Variants in ACSBG1 observed in about 807,000 individuals in gnomAD.
ACSBG1 encodes the protein long-chain-fatty-acid--CoA ligase ACSBG1.
Under a neutral mutation model 80.2 loss-of-function variants are expected in ACSBG1, and 39 were observed. The ratio of observed to expected loss-of-function variants is 0.49; its 90% CI spans 0.38 to 0.64. ACSBG1 has a LOEUF of 0.64. Among genes scored for constraint, ACSBG1 ranks in the 30% least tolerant of loss-of-function variants. The pLI is 0.00. For synonymous variants in ACSBG1, 392 were observed against 379.5 expected, an observed-to-expected ratio of 1.03 and a Z score of -0.38; for missense variants, 828 against 966.4, an observed-to-expected ratio of 0.86 and a Z score of 1.90.
chr15:78,228,783 A>G (rs1173176418), intron 1 of ACSBG1, among the ~76,000 whole-genome samples: 1 of 152,112 alleles, frequency 6.6e-6, no homozygotes, highest in African/African-American at 2.4e-5. Context: ...AGTCTCTTGA[A>G]CACTACAAGC....
intron 5 of ACSBG1, among the ~76,000 whole-genome samples, chr15:78,192,235 C>T (rs2075063336): frequency 6.6e-6 from 1 of 152,148 alleles, no homozygotes; most frequent in African/African-American, 2.4e-5. Context: ...GAGTCAGACA[C>T]TGGTCTAAGA....
chr15:78,170,985 G>A lies in ACSBG1; in HGVS notation c.*459C>T, dbSNP rs2074814405. On this transcript the variant is annotated 3_prime_UTR_variant, in exon 14 of 14. Coordinates refer to ENST00000258873, the MANE Select transcript of ACSBG1 (RefSeq NM_015162.5). ...GTAATGGAATAATAGGGTCGGCGAT[G>A]CCCGCCAAGATTCCAGAGTAAGTCA... 2.0e-5 allele frequency: 3 copies of A among 153,740 alleles called. No homozygotes were observed. Among genetic ancestry groups the A allele is most frequent in the Admixed American group, 1.9e-4 (3 of 15,442 alleles). 9.5% of individuals were successfully genotyped at this position (153,740 alleles called of 1,614,324 possible).
At chr15:78,215,724 G>GAGAAAGAAAGAAAGAAAGAAAGAA (rs56078523) in intron 1 of ACSBG1, among the ~76,000 whole-genome samples, 4 of 116,552 alleles carry the variant, frequency 3.4e-5, no homozygotes, top group Admixed American at 9.4e-5. Flanking sequence ...AAGAAAGAAA[G>GAGAAAGAAAGAAAGAAAGAAAGAA]AGAAAGAAAG....
intron 5 of ACSBG1, among the ~76,000 whole-genome samples, chr15:78,183,458 T>TC (rs1479469003): frequency 3.3e-5 from 5 of 152,060 alleles, no homozygotes; most frequent in Admixed American, 2.0e-4. Flanking sequence ...ATGCCTGTAA[T>TC]CCCAGCTACT....
At chr15:78,204,637 A>C (rs1207908551) in intron 2 of ACSBG1, among the ~76,000 whole-genome samples, 1 of 152,228 alleles carries the variant, frequency 6.6e-6, no homozygotes, top group Admixed American at 6.5e-5. Flanking sequence ...ATCATGGAGA[A>C]GGAATCACTG....
chr15:78,223,960 G>A (rs577574561), intron 1 of ACSBG1, among the ~76,000 whole-genome samples: 86 of 152,298 alleles, frequency 5.6e-4, no homozygotes, highest in African/African-American at 1.9e-3. Flanking sequence ...CCAGGAGCTG[G>A]AAGAGGCAGG....
At chr15:78,207,917 T>TGCCCCCCCCCCCCCCCCCCC in intron 2 of ACSBG1, 85 bp downstream of exon 2, 1 of 876,066 alleles carries the variant, frequency 1.1e-6, no homozygotes, top group East Asian at 2.7e-5. Flanking sequence ...TGTGTGGTGG[T>TGCCCCCCCCCCCCCCCCCCC]CCCCCACACC....
chr15:78,222,530 A>G (rs908949), intron 1 of ACSBG1, among the ~76,000 whole-genome samples: 82,295 of 151,902 alleles, frequency 0.54, 22,729 homozygotes, highest in African/African-American at 0.57. Flanking sequence ...AGACATGGTG[A>G]CAGGTGCCTG....
At chr15:78,209,629 G>A (rs11854143) in intron 1 of ACSBG1, among the ~76,000 whole-genome samples, 5,426 of 152,240 alleles carry the variant, frequency 0.036, 122 homozygotes, top group South Asian at 0.094. Flanking sequence ...TTCAGGCAGC[G>A]ACGGCAAACG....
chr15:78,225,013 T>C (rs2141388930), intron 1 of ACSBG1, among the ~76,000 whole-genome samples: 1 of 152,144 alleles, frequency 6.6e-6, no homozygotes, highest in East Asian at 1.9e-4. Context: ...TTGGAATTAA[T>C]AAATAAATTT....
chr15:78,225,908 T>C (rs1334235728), intron 1 of ACSBG1, among the ~76,000 whole-genome samples: 1 of 152,192 alleles, frequency 6.6e-6, no homozygotes, highest in Non-Finnish European at 1.5e-5. Context: ...GAAGGCTCAG[T>C]GGAGGAGAAT....
intron 1 of ACSBG1, among the ~76,000 whole-genome samples, chr15:78,210,053 C>A (rs58299587): frequency 0.12 from 17,916 of 152,262 alleles, 1,159 homozygotes; most frequent in Middle Eastern, 0.22. Context: ...GTGATTAGAA[C>A]CTTCTGTTTA....
chr15:78,204,824 C>T (rs536685318), intron 2 of ACSBG1, among the ~76,000 whole-genome samples: 1 of 152,216 alleles, frequency 6.6e-6, no homozygotes, highest in Non-Finnish European at 1.5e-5. Flanking sequence ...GGCTCCCTAG[C>T]GCATAGCTCC....
rs986301384 is a variant in ACSBG1, at chr15:78,168,134, G to A, written c.*3310C>T. 9.9e-5 allele frequency: 15 copies of A among 152,164 alleles called. No homozygotes were observed. The highest frequency in any genetic ancestry group is 3.4e-3 in the Middle Eastern group (1 of 294). 9.4% of individuals were successfully genotyped at this position (152,164 alleles called of 1,614,324 possible). ...CTTTCCTAAAGAGGGAGGTTTAAGA[G>A]TTAATGATTTAGGCAGGTGTGGTGG... On this transcript the variant is annotated 3_prime_UTR_variant, in exon 14 of 14. Coordinates refer to ENST00000258873, the MANE Select transcript of ACSBG1 (RefSeq NM_015162.5).
At chr15:78,210,207 C>T (rs1379230534) in intron 1 of ACSBG1, among the ~76,000 whole-genome samples, 2 of 152,132 alleles carry the variant, frequency 1.3e-5, no homozygotes, top group Admixed American at 6.5e-5. Context: ...GAGGGTGGAC[C>T]GTGGCCCTCT....
At chr15:78,210,159 C>T (rs528892764) in intron 1 of ACSBG1, among the ~76,000 whole-genome samples, 3 of 152,302 alleles carry the variant, frequency 2.0e-5, no homozygotes, top group African/African-American at 7.2e-5. Context: ...TTTCTTGTTG[C>T]TCAGACACTG....
intron 5 of ACSBG1, among the ~76,000 whole-genome samples, chr15:78,189,062 A>T (rs1448545056): frequency 2.5e-3 from 385 of 152,162 alleles, no homozygotes; most frequent in Non-Finnish European, 4.0e-3. Flanking sequence ...CAAAAAACAC[A>T]TGAAAAAATG....
At chr15:78,201,028 T>A (rs1052829200) in intron 2 of ACSBG1, among the ~76,000 whole-genome samples, 3 of 152,194 alleles carry the variant, frequency 2.0e-5, no homozygotes, top group Non-Finnish European at 4.4e-5. Context: ...CTGCCTGCAA[T>A]GCCCTTCCCT....
intron 1 of ACSBG1, among the ~76,000 whole-genome samples, chr15:78,227,723 G>A (rs1451115191): frequency 6.6e-6 from 1 of 152,026 alleles, no homozygotes; most frequent in Non-Finnish European, 1.5e-5. Context: ...CCTCAAACTG[G>A]AAACAACTCA....
Sources: gnomAD v4.1 joint callset for allele counts (sites outside exome capture counted in the v4.1 genomes callset) on GRCh38, gnomAD v4.1.1 for gene constraint, MANE v1.5 for transcripts, NCBI Gene and HGNC (gene_info 2026-07-23, HGNC 2026-07-21) for gene names.